Variants in ATP2B4 observed in about 807,000 individuals in gnomAD.
The protein encoded by ATP2B4 is plasma membrane calcium-transporting ATPase 4.
A neutral mutation model predicts 110.3 loss-of-function variants in ATP2B4; 39 were observed. The ratio of observed to expected loss-of-function variants is 0.35; its 90% confidence interval spans 0.27 to 0.46. The LOEUF (loss-of-function observed/expected upper bound fraction) is 0.46, where lower values mean the gene tolerates loss of function less well. ATP2B4 is among the 20% of genes least tolerant of loss of function. ATP2B4 has a pLI of 1.00. For missense variants in ATP2B4, 1,135 were observed against 1,530.9 expected (o/e 0.74, Z 4.32); for synonymous variants, 538 against 571.7 (o/e 0.94, Z 0.84).
intron 6 of ATP2B4, 134 bp downstream of exon 6, chr1:203,701,057 T>C: frequency 8.2e-7 from 1 of 1,216,992 alleles, no homozygotes; most frequent in Non-Finnish European, 1.1e-6. Flanking sequence ...TCCAAACTCC[T>C]TGCTGAGATA....
At chr1:203,707,652 A>C (rs559668728) in intron 9 of ATP2B4, among the ~76,000 whole-genome samples, 1 of 152,206 alleles carries the variant, frequency 6.6e-6, no homozygotes, top group East Asian at 1.9e-4. Context: ...GCTGGTCTTG[A>C]ACTTCTGACC....
rs1451143560 is a variant in ATP2B4, at chr1:203,629,324, A to G, written c.-465+2105A>G. Among the ~76,000 whole-genome samples the G allele has an allele frequency of 6.6e-6, 1 of 152,182 alleles. No individual in the cohort carries two copies. On this transcript the variant is annotated intron_variant, in intron 1 of 20. Transcript: ENST00000357681. This position sits in a 1 kb window ranked among gnomAD's most constrained non-coding sequence, Gnocchi z 4.6. ...CGGGAGTCCCATCCTCCCTGCCACC[A>G]TCTTGCTGAGGTGCAACCTCGAAAA...
intron 20 of ATP2B4, among the ~76,000 whole-genome samples, chr1:203,732,376 A>G (rs1666755356): frequency 6.6e-6 from 1 of 152,086 alleles, no homozygotes; most frequent in Admixed American, 6.6e-5. Context: ...TCTCTAATGC[A>G]TTAATGCACT....
intron 1 of ATP2B4, among the ~76,000 whole-genome samples, chr1:203,664,494 T>C (rs1664443531): frequency 6.6e-6 from 1 of 152,250 alleles, no homozygotes. Context: ...AACTTTGGTA[T>C]GGGGTAGATG....
chr1:203,656,554 T>A (rs1384612330), intron 1 of ATP2B4, among the ~76,000 whole-genome samples: 1 of 152,230 alleles, frequency 6.6e-6, no homozygotes, highest in Non-Finnish European at 1.5e-5. Flanking sequence ...GTAAACACTG[T>A]AAACTTAACA....
chr1:203,635,834 T>C (rs1663421109), intron 1 of ATP2B4, among the ~76,000 whole-genome samples: 1 of 152,202 alleles, frequency 6.6e-6, no homozygotes, highest in Non-Finnish European at 1.5e-5. Context: ...AGGAGTGTCT[T>C]TTCTAAGCTC....
In ATP2B4 at chr1:203,739,810, C is replaced by T. The variant is rs1401467601; in HGVS notation, c.3574C>T (p.Pro1192Ser). 1.2e-6 allele frequency: 2 copies of T among 1,614,128 alleles called. No homozygotes were observed. Among genetic ancestry groups the T allele is most frequent in the Non-Finnish European group, 1.7e-6 (2 of 1,180,030 alleles). ...NAVDCNQVQLPQSDSSLQSLE... is the reference protein window; with the variant it reads ...NAVDCNQVQLSQSDSSLQSLE... Reference sequence around the variant, plus strand: ...GGTGGATTGCAACCAAGTGCAGCTCCCCCAGTCGGACAGCTCTCTACAGAG... The same window carrying T: ...GGTGGATTGCAACCAAGTGCAGCTCTCCCAGTCGGACAGCTCTCTACAGAG... The change falls in exon 21 of 21, where the codon CCC becomes TCC. Residue 1192 changes from proline (P) to serine (S), a missense_variant. By Grantham distance (74) the Pro-to-Ser change is moderately conservative. This residue lies in a region of ATP2B4 where 92 missense variants were observed against 82.5 expected (regional missense o/e 1.11). Transcript: ENST00000357681.
chr1:203,709,683 TC>T, intron 11 of ATP2B4, 141 bp downstream of exon 11: 1 of 1,357,626 alleles, frequency 7.4e-7, no homozygotes, highest in East Asian at 2.4e-5. Context: ...AAGCGTCTAC[TC>T]AGGCCACGCA....
chr1:203,628,566 C>T (rs1419655163), intron 1 of ATP2B4, among the ~76,000 whole-genome samples: 2 of 152,126 alleles, frequency 1.3e-5, no homozygotes, highest in Non-Finnish European at 2.9e-5. Flanking sequence ...GAAACAAAAT[C>T]CCATTCTGCA....
Position 203,683,106 on chromosome 1 carries a change from G to A in ATP2B4, c.-100G>A, listed in dbSNP as rs1305887868. ...CCTCACTGGGCCCCCAGAGAAGCAAGAAGTAGGAAGAAGTTGAGACAGGGA... is the reference window on the plus strand; with the variant it reads ...CCTCACTGGGCCCCCAGAGAAGCAAAAAGTAGGAAGAAGTTGAGACAGGGA... On this transcript the variant is annotated 5_prime_UTR_variant, in exon 2 of 21. Coordinates refer to ENST00000357681, the MANE Select transcript of ATP2B4 (RefSeq NM_001684.5). The A allele has an allele frequency of 3.6e-6, 5 of 1,379,170 alleles. No individual in the cohort carries two copies. Among genetic ancestry groups the A allele is most frequent in the South Asian group, 1.4e-5 (1 of 71,432 alleles). 85.4% of individuals were successfully genotyped at this position (1,379,170 alleles called of 1,614,324 possible).
At chr1:203,696,736 G>A (rs961373083) in intron 2 of ATP2B4, among the ~76,000 whole-genome samples, 4 of 152,186 alleles carry the variant, frequency 2.6e-5, no homozygotes, top group African/African-American at 4.8e-5. Context: ...AAAGTGCGTA[G>A]AGAGTAGGTG....
intron 17 of ATP2B4, 48 bp from the exon 18 acceptor site, chr1:203,722,430 T>C: frequency 6.9e-7 from 1 of 1,454,078 alleles, no homozygotes; most frequent in South Asian, 1.1e-5. Context: ...ATTCTTACTC[T>C]TAGTTCAGAC....
At position 203,709,471 on chromosome 1, in the gene ATP2B4, C is replaced by G. The variant is rs774274389; in HGVS notation, c.1728C>G (p.Ser576Arg). 6 of 1,614,064 alleles carry G rather than the reference C, an allele frequency of 3.7e-6. No individual in the cohort carries two copies. Among genetic ancestry groups the G allele is most frequent in the Non-Finnish European group, 4.2e-6 (5 of 1,180,042 alleles). Reference protein sequence around the residue: ...YTFNSVRKSMSTVIRNPNGGF... With the variant: ...YTFNSVRKSMRTVIRNPNGGF... Reference sequence around the variant, plus strand: ...TTAACTCAGTGCGCAAGTCAATGAGCACCGTCATCAGGAATCCCAACGGTG... The same window carrying G: ...TTAACTCAGTGCGCAAGTCAATGAGGACCGTCATCAGGAATCCCAACGGTG... Residue 576 changes from serine (S) to arginine (R), a missense_variant, in exon 11 of 21, where the codon AGC (serine) becomes AGG (arginine). Coordinates refer to ENST00000357681, the MANE Select transcript of ATP2B4 (RefSeq NM_001684.5).
Position 203,657,141 on chromosome 1 carries a change from G to C in ATP2B4, c.-464-25601G>C, listed in dbSNP as rs1664186642. On this transcript the variant is annotated intron_variant, in intron 1 of 20. Transcript: ENST00000357681. ...CCACAGTTGTATACGGTGGGGATGAGGGATTCTTCTTTACACCAAGTATTG... is the reference window on the plus strand; with the variant it reads ...CCACAGTTGTATACGGTGGGGATGACGGATTCTTCTTTACACCAAGTATTG... 3.6e-6 allele frequency: 3 copies of C among 829,984 alleles called. No individual in the cohort carries two copies. In the South Asian group the frequency reaches 4.1e-5, roughly 11 times the overall value. The allele number at this position is 829,984 out of a possible 1,614,324, so 51.4% of individuals were successfully genotyped here.
intron 1 of ATP2B4, among the ~76,000 whole-genome samples, chr1:203,667,358 G>A (rs1396673069): frequency 6.6e-6 from 1 of 152,172 alleles, no homozygotes; most frequent in African/African-American, 2.4e-5. Context: ...ATTAGCAAAG[G>A]AGCAATGTTC....
chr1:203,701,379 A>G (rs1665688074), intron 6 of ATP2B4, among the ~76,000 whole-genome samples: 1 of 152,222 alleles, frequency 6.6e-6, no homozygotes, highest in Non-Finnish European at 1.5e-5. Context: ...TGGAAGAGAC[A>G]CACAGCTAGA....
In ATP2B4 at chr1:203,722,540, C is replaced by A. The variant is rs781474619; in HGVS notation, c.2875C>A (p.His959Asn). ...KAPLHSPPSQ[H>N]YTIVFNTFVL... ...ACCTCTACATTCACCACCCAGCCAG[C>A]ACTATACCATTGTTTTTAACACCTT... Residue 959 changes from histidine to asparagine, a missense_variant, in exon 18 of 21, where the codon CAC becomes AAC. Transcript: ENST00000357681. 6.2e-7 allele frequency: 1 copy of A among 1,614,198 alleles called. No homozygotes were observed. The highest frequency in any genetic ancestry group is 1.1e-5 in the South Asian group (1 of 91,078).
chr1:203,637,955 C>T (rs1041119419), intron 1 of ATP2B4, among the ~76,000 whole-genome samples: 10 of 152,292 alleles, frequency 6.6e-5, no homozygotes, highest in African/African-American at 2.4e-4. Flanking sequence ...GGTGCAGGGA[C>T]ACATGACCTA....
chr1:203,743,521 T>A lies in ATP2B4; in HGVS notation c.*3667T>A, dbSNP rs952724677. On this transcript the variant is annotated 3_prime_UTR_variant, in exon 21 of 21. Coordinates refer to ENST00000357681, the MANE Select transcript of ATP2B4 (RefSeq NM_001684.5). ...AGAGATGGAAGGAGATGAGCTCCCA[T>A]AACTGAATTGGCCTTTGGTTCATGT... The A allele has an allele frequency of 6.6e-6, 1 of 152,662 alleles. No homozygotes were observed. The highest frequency in any genetic ancestry group is 2.4e-5 in the African/African-American group (1 of 41,454). 9.5% of individuals were successfully genotyped at this position (152,662 alleles called of 1,614,324 possible). A position where few individuals can be genotyped will look rare whatever the true frequency, so the allele number is the denominator to read the frequency against.
Sources: gnomAD v4.1 joint callset for allele counts (sites outside exome capture counted in the v4.1 genomes callset) on GRCh38, gnomAD v4.1.1 for gene constraint, gnomAD v4.1.1 regional missense constraint, Gnocchi (gnomAD v3.1) non-coding constraint, MANE v1.5 for transcripts, NCBI Gene and HGNC (gene_info 2026-07-23, HGNC 2026-07-21) for gene names.